SYT1: variants seen among roughly 807,000 people sequenced by gnomAD.
The protein encoded by SYT1 is synaptotagmin-1.
Under a neutral mutation model 44.8 loss-of-function variants are expected in SYT1, and 8 were observed. The observed-to-expected ratio is 0.18, with a 90% confidence interval of 0.10 to 0.32. The LOEUF is 0.32. SYT1 is among the 10% of genes least tolerant of loss of function. The pLI is 1.00. For synonymous variants in SYT1, 154 were observed against 188.8 expected, an observed-to-expected ratio of 0.82 and a Z score of 1.51; for missense variants, 286 against 509.3, an observed-to-expected ratio of 0.56 and a Z score of 4.22.
At chr12:78,969,264 G>A (rs1260238348) in intron 1 of SYT1, among the ~76,000 whole-genome samples, 4 of 152,136 alleles carry the variant, frequency 2.6e-5, no homozygotes, top group African/African-American at 9.7e-5. Context: ...AAAGATTTTA[G>A]TATTTACAGG....
intron 8 of SYT1, among the ~76,000 whole-genome samples, chr12:79,339,543 A>G (rs1024542922): frequency 4.7e-5 from 7 of 149,914 alleles, no homozygotes; most frequent in African/African-American, 1.5e-4. Context: ...AAATTTGTTT[A>G]AGTTCTTTGT....
intron 3 of SYT1, among the ~76,000 whole-genome samples, chr12:79,123,309 ATGTGTGTGTGTGTGTGTGTGTGTG>A (rs66869713): frequency 7.1e-6 from 1 of 141,542 alleles, no homozygotes; most frequent in South Asian, 2.4e-4. Flanking sequence ...TAAAAATGCA[ATGTGTGTGTGTGTGTGTGTGTGTG>A]TGTGTGTGTG....
At chr12:78,874,823 G>A (rs1417084841) in intron 1 of SYT1, among the ~76,000 whole-genome samples, 2 of 151,600 alleles carry the variant, frequency 1.3e-5, no homozygotes, top group African/African-American at 4.8e-5. Context: ...GATTATACCA[G>A]TGTGAAAAGT....
At chr12:79,225,728 G>A (rs977889295) in intron 4 of SYT1, among the ~76,000 whole-genome samples, 1 of 152,132 alleles carries the variant, frequency 6.6e-6, no homozygotes, top group African/African-American at 2.4e-5. Context: ...TGAGACACAT[G>A]GCAAGGCTGA....
At chr12:79,321,542 G>T (rs1881359493) in intron 8 of SYT1, among the ~76,000 whole-genome samples, 1 of 152,146 alleles carries the variant, frequency 6.6e-6, no homozygotes, top group African/African-American at 2.4e-5. Context: ...TATGTTAAAG[G>T]GAAGGAAATG....
intron 8 of SYT1, among the ~76,000 whole-genome samples, chr12:79,308,222 T>G (rs983151637): frequency 6.6e-6 from 1 of 152,152 alleles, no homozygotes; most frequent in Non-Finnish European, 1.5e-5. Context: ...TGCCAAGAAA[T>G]TTTTTGTGGA....
intron 3 of SYT1, among the ~76,000 whole-genome samples, chr12:79,186,984 T>C (rs1173795717): frequency 6.6e-6 from 1 of 152,118 alleles, no homozygotes; most frequent in South Asian, 2.1e-4. Flanking sequence ...TCATTTAACA[T>C]TGTCTTCCTT....
intron 2 of SYT1, among the ~76,000 whole-genome samples, chr12:78,985,090 C>T (rs1054470807): frequency 1.3e-5 from 2 of 151,416 alleles, no homozygotes; most frequent in African/African-American, 4.9e-5. Context: ...GAAAGAACAA[C>T]GAATGACATA....
chr12:79,179,278 ATAGATATATAGATACAGATT>A, intron 3 of SYT1, among the ~76,000 whole-genome samples: 2 of 125,084 alleles, frequency 1.6e-5, no homozygotes, highest in African/African-American at 6.2e-5. Flanking sequence ...AGATATAGAT[ATAGATATATAGATACAGATT>A]TAGATATATC....
intron 3 of SYT1, among the ~76,000 whole-genome samples, chr12:79,106,289 A>G (rs150959837): frequency 5.8e-4 from 88 of 152,362 alleles, no homozygotes; most frequent in African/African-American, 2.0e-3. Flanking sequence ...CCTAAGGTCC[A>G]AGTATAGTTC....
intron 3 of SYT1, among the ~76,000 whole-genome samples, chr12:79,189,096 A>C (rs1872964423): frequency 6.6e-6 from 1 of 152,156 alleles, no homozygotes; most frequent in African/African-American, 2.4e-5. Context: ...GAGTAAAAAG[A>C]TGACTAGACC....
At chr12:79,193,582 G>A (rs1873259482) in intron 3 of SYT1, among the ~76,000 whole-genome samples, 1 of 151,964 alleles carries the variant, frequency 6.6e-6, no homozygotes. Flanking sequence ...ATTCATCAAA[G>A]CTGGGTATTG....
intron 8 of SYT1, among the ~76,000 whole-genome samples, chr12:79,351,520 A>G (rs1213019917): frequency 2.0e-5 from 3 of 151,980 alleles, no homozygotes; most frequent in African/African-American, 7.2e-5. Context: ...ATTGTGGAAA[A>G]TAGACAGAAT....
intron 1 of SYT1, among the ~76,000 whole-genome samples, chr12:78,921,752 G>C (rs927334059): frequency 6.6e-6 from 1 of 151,904 alleles, no homozygotes; most frequent in Non-Finnish European, 1.5e-5. Flanking sequence ...TGGCGCTGCT[G>C]AGATAATTAC....
chr12:78,892,384 A>G (rs1875107861), intron 1 of SYT1, among the ~76,000 whole-genome samples: 1 of 151,764 alleles, frequency 6.6e-6, no homozygotes, highest in Non-Finnish European at 1.5e-5. Context: ...ACATACACCC[A>G]GGGGATCAGT....
chr12:79,237,661 T>TA (rs1042879497), intron 4 of SYT1, among the ~76,000 whole-genome samples: 12 of 152,002 alleles, frequency 7.9e-5, no homozygotes, highest in East Asian at 3.9e-4. Context: ...AATTTTAAGT[T>TA]AAAAAAAAGA....
intron 1 of SYT1, among the ~76,000 whole-genome samples, chr12:78,906,689 G>A (rs1876001893): frequency 6.6e-6 from 1 of 152,034 alleles, no homozygotes; most frequent in African/African-American, 2.4e-5. Flanking sequence ...GCAGGTCGTG[G>A]ACAGACTGGG....
intron 3 of SYT1, among the ~76,000 whole-genome samples, chr12:79,175,297 A>G (rs994408569): frequency 1.3e-5 from 2 of 152,076 alleles, no homozygotes; most frequent in Admixed American, 6.6e-5. Context: ...TATTGGTGCT[A>G]TGGGTTTTTT....
intron 3 of SYT1, among the ~76,000 whole-genome samples, chr12:79,088,182 T>G (rs1276103314): frequency 1.3e-5 from 2 of 152,104 alleles, no homozygotes; most frequent in Non-Finnish European, 2.9e-5. Flanking sequence ...TTATTACTAG[T>G]AACTGCTACT....
Sources: allele counts gnomAD v4.1 joint callset (sites outside exome capture counted in the v4.1 genomes callset), GRCh38; gene constraint gnomAD v4.1.1; transcripts MANE v1.5; gene names NCBI Gene and HGNC (gene_info 2026-07-23, HGNC 2026-07-21).